Variants in DLGAP2 observed in about 807,000 individuals in gnomAD.
DLGAP2 encodes disks large-associated protein 2.
Under a neutral mutation model 100.3 loss-of-function variants are expected in DLGAP2, and 26 were observed. That is an observed-to-expected ratio of 0.26 (90% CI 0.19 to 0.36). The LOEUF (loss-of-function observed/expected upper bound fraction) is 0.36. Among genes scored for constraint, DLGAP2 ranks in the 10% least tolerant of loss-of-function variants. DLGAP2 has a pLI of 1.00. For missense variants in DLGAP2, 1,858 were observed against 1,453.2 expected, an observed-to-expected ratio of 1.28 and a Z score of -4.53; for synonymous variants, 886 against 630.1, an observed-to-expected ratio of 1.41 and a Z score of -6.08.
At chr8:932,137 T>A (rs1338164949) in intron 2 of DLGAP2, among the ~76,000 whole-genome samples, 1 of 152,200 alleles carries the variant, frequency 6.6e-6, no homozygotes, top group Non-Finnish European at 1.5e-5. Flanking sequence ...GTGTCTGATG[T>A]TTTTGTCGAC....
chr8:964,401 T>C (rs1198464668), intron 2 of DLGAP2, among the ~76,000 whole-genome samples: 2 of 152,246 alleles, frequency 1.3e-5, no homozygotes, highest in African/African-American at 4.8e-5. Context: ...AAGACCTTTC[T>C]GTGTAGACAC....
Position 1,306,462 on chromosome 8 carries a change from G to A in DLGAP2, c.106+47579G>A, listed in dbSNP as rs77070000. On this transcript the variant is annotated intron_variant, in intron 3 of 14. Transcript: ENST00000637795. ...GACACTAATGAACGGAAAGACATCT[G>A]TGTTCATGGATTGAAAGGCTTACTG... is the stretch of plus-strand genomic sequence containing the variant. Among the ~76,000 whole-genome samples, 253 of 152,264 alleles carry A rather than the reference G, an allele frequency of 1.7e-3. 2 individuals carry two copies. Among genetic ancestry groups the A allele is most frequent in the Middle Eastern group, 6.8e-3 (2 of 294 alleles).
chr8:1,286,648 G>A (rs1005188757), intron 3 of DLGAP2, among the ~76,000 whole-genome samples: 1 of 152,094 alleles, frequency 6.6e-6, no homozygotes, highest in Non-Finnish European at 1.5e-5. Context: ...ATCCGTGCTG[G>A]GCTGTACAGC....
At chr8:1,296,750 CG>C (rs1458471315) in intron 3 of DLGAP2, among the ~76,000 whole-genome samples, 1 of 152,176 alleles carries the variant, frequency 6.6e-6, no homozygotes, top group African/African-American at 2.4e-5. Context: ...TTGCGGGAAA[CG>C]TGGTAAGTGA....
intron 3 of DLGAP2, among the ~76,000 whole-genome samples, chr8:1,421,030 T>TTA: frequency 6.6e-6 from 1 of 152,304 alleles, no homozygotes; most frequent in South Asian, 2.1e-4. Flanking sequence ...GCAAGTTGTG[T>TTA]TATAGACTTC....
At chr8:1,144,283 G>A (rs1382841829) in intron 2 of DLGAP2, among the ~76,000 whole-genome samples, 2 of 152,208 alleles carry the variant, frequency 1.3e-5, no homozygotes, top group East Asian at 1.9e-4. Context: ...TGGAGCATTT[G>A]AGTGGATGAT....
rs116257945 is a variant in DLGAP2, at chr8:1,059,783, G to T, written c.73+151817G>T. ...CTGTGCAGGCGCAGTGGTGACCGCA[G>T]GAACCACCAGGACAGACAGAGACAC... On this transcript the variant is annotated intron_variant, in intron 2 of 14. Coordinates refer to ENST00000637795, the MANE Select transcript of DLGAP2 (RefSeq NM_001346810.2). Among the ~76,000 whole-genome samples, 726 of 152,278 alleles carry T rather than the reference G, an allele frequency of 4.8e-3. 8 individuals are homozygous for T. The highest frequency in any genetic ancestry group is 0.017 in the African/African-American group (690 of 41,572).
intron 1 of DLGAP2, among the ~76,000 whole-genome samples, chr8:745,157 T>C (rs909921545): frequency 6.6e-6 from 1 of 152,270 alleles, no homozygotes; most frequent in African/African-American, 2.4e-5. Flanking sequence ...ACCTTTTTTC[T>C]TGGTCTTTAA....
intron 2 of DLGAP2, among the ~76,000 whole-genome samples, chr8:956,191 G>C (rs1234331507): frequency 2.0e-5 from 3 of 152,108 alleles, no homozygotes; most frequent in Admixed American, 6.6e-5. Context: ...TATTTCTCAC[G>C]GGCTTCACTT....
At chr8:1,336,359 G>C (rs767402386) in intron 3 of DLGAP2, among the ~76,000 whole-genome samples, 1 of 152,238 alleles carries the variant, frequency 6.6e-6, no homozygotes, top group Admixed American at 6.5e-5. Context: ...AGAAAGGAAG[G>C]AAAGAGCTGG....
chr8:1,305,965 T>C (rs1158258869), intron 3 of DLGAP2, among the ~76,000 whole-genome samples: 2 of 152,024 alleles, frequency 1.3e-5, no homozygotes. Flanking sequence ...CAACTACTAA[T>C]TTTTGCATGT....
At chr8:1,667,063 G>C (rs1349984060) in intron 8 of DLGAP2, among the ~76,000 whole-genome samples, 8 of 152,222 alleles carry the variant, frequency 5.3e-5, no homozygotes, top group African/African-American at 1.9e-4. Context: ...CTCCCACTGT[G>C]TGTGTGTGGC....
chr8:1,670,925 G>A (rs1798675236), intron 10 of DLGAP2, among the ~76,000 whole-genome samples: 1 of 152,212 alleles, frequency 6.6e-6, no homozygotes, highest in Non-Finnish European at 1.5e-5. Flanking sequence ...CGTCAGGAGG[G>A]GAGCTGCAGA....
intron 2 of DLGAP2, among the ~76,000 whole-genome samples, chr8:1,182,945 C>A (rs1392310352): frequency 6.6e-6 from 1 of 152,080 alleles, no homozygotes; most frequent in South Asian, 2.1e-4. Flanking sequence ...GGGTGGGAGA[C>A]GCGCACCATG....
chr8:1,135,915 C>T (rs531100183), intron 2 of DLGAP2, among the ~76,000 whole-genome samples: 11 of 152,260 alleles, frequency 7.2e-5, no homozygotes, highest in South Asian at 2.1e-4. Flanking sequence ...AATCATTTTT[C>T]GAAGTTAAGA....
intron 6 of DLGAP2, among the ~76,000 whole-genome samples, chr8:1,620,890 A>T (rs553446403): frequency 6.6e-6 from 1 of 152,282 alleles, no homozygotes; most frequent in South Asian, 2.1e-4. Context: ...TGTCCCTCAC[A>T]GTTTCCCACT....
chr8:757,064 G>A (rs979042792), intron 1 of DLGAP2, among the ~76,000 whole-genome samples: 2 of 151,950 alleles, frequency 1.3e-5, no homozygotes, highest in African/African-American at 2.4e-5. Context: ...CCCGCCATGG[G>A]GCCTTTGCAC....
intron 1 of DLGAP2, among the ~76,000 whole-genome samples, chr8:848,864 T>TCGCGCAGTGTCTGTTCCAGAATAGGAA (rs1563061800): frequency 7.7e-6 from 1 of 130,250 alleles, no homozygotes; most frequent in East Asian, 2.5e-4. Flanking sequence ...CAGCATAGGA[T>TCGCGCAGTGTCTGTTCCAGAATAGGAA]CGCGCGGTGT....
chr8:1,573,612 G>A (rs540398752), intron 6 of DLGAP2, among the ~76,000 whole-genome samples: 1 of 130,288 alleles, frequency 7.7e-6, no homozygotes, highest in African/African-American at 2.5e-5. Context: ...CGGGAAGTAT[G>A]CAGGAAACAT....
Sources: allele counts gnomAD v4.1 joint callset (sites outside exome capture counted in the v4.1 genomes callset), GRCh38; gene constraint gnomAD v4.1.1; transcripts MANE v1.5; gene names NCBI Gene and HGNC (gene_info 2026-07-23, HGNC 2026-07-21).